ATP13A4: variants seen among roughly 807,000 people sequenced by gnomAD.
ATP13A4 encodes the protein probable cation-transporting ATPase 13A4.
Under a neutral mutation model 142.5 loss-of-function variants are expected in ATP13A4, and 114 were observed. The ratio of observed to expected loss-of-function variants is 0.80; its 90% CI spans 0.69 to 0.93. The LOEUF (loss-of-function observed/expected upper bound fraction) is 0.93, where lower values mean the gene tolerates loss of function less well. ATP13A4 is among the 40% of genes least tolerant of loss of function. The pLI is 0.00. For synonymous variants in ATP13A4, 488 were observed against 514.8 expected, an observed-to-expected ratio of 0.95 and a Z score of 0.70; for missense variants, 1,392 against 1,454.0, an observed-to-expected ratio of 0.96 and a Z score of 0.69.
chr3:193,403,729 G>A, intron 29 of ATP13A4: 1 of 973,852 alleles, frequency 1.0e-6, no homozygotes, highest in Non-Finnish European at 1.2e-6. Context: ...ATTCATGAGA[G>A]GTTATCATAT....
At chr3:193,512,130 G>A (rs1023778642) in intron 2 of ATP13A4, among the ~76,000 whole-genome samples, 2 of 152,200 alleles carry the variant, frequency 1.3e-5, no homozygotes, top group East Asian at 3.9e-4. Context: ...GCGTGGTTCT[G>A]TTTCTACTGT....
At position 193,483,121 on chromosome 3, in the gene ATP13A4, T is replaced by TC. The variant is rs896170925; in HGVS notation, c.808+814dup. Among the ~76,000 whole-genome samples the TC allele has an allele frequency of 2.4e-4, 37 of 151,520 alleles. 1 individual carries two copies. Among genetic ancestry groups the TC allele is most frequent in the South Asian group, 8.3e-4 (4 of 4,798 alleles). On this transcript the variant is annotated intron_variant, in intron 8 of 29. Coordinates refer to ENST00000342695, the MANE Select transcript of ATP13A4 (RefSeq NM_032279.4). The stretch of plus-strand genomic sequence containing the variant: ...ATCCCAAAATAACTATGAACTTTGA[T>TC]CCCCCCCAAAATTAACCAAAAATAT...
At chr3:193,582,844 G>A in intron 1 of ATP13A4, among the ~76,000 whole-genome samples, 5 of 12,236 alleles carry the variant, frequency 4.1e-4, no homozygotes, top group Non-Finnish European at 5.9e-4. Flanking sequence ...AAATATATAT[G>A]TATATTACAT....
intron 1 of ATP13A4, among the ~76,000 whole-genome samples, chr3:193,524,732 A>G (rs2108694257): frequency 6.6e-6 from 1 of 152,354 alleles, no homozygotes; most frequent in South Asian, 2.1e-4. Context: ...CCTACCTCAC[A>G]AAACTGTTAT....
intron 28 of ATP13A4, among the ~76,000 whole-genome samples, chr3:193,410,614 G>C (rs1425858031): frequency 6.6e-6 from 1 of 152,156 alleles, no homozygotes; most frequent in African/African-American, 2.4e-5. Flanking sequence ...AGCTACTCGG[G>C]AGGCTGAAGT....
intron 3 of ATP13A4, among the ~76,000 whole-genome samples, chr3:193,498,913 G>C (rs1720389861): frequency 6.6e-6 from 1 of 152,026 alleles, no homozygotes; most frequent in African/African-American, 2.4e-5. Flanking sequence ...CCATATAGCT[G>C]GCACAAAATA....
chr3:193,490,111 A>C (rs1328960751), intron 6 of ATP13A4, among the ~76,000 whole-genome samples: 1 of 152,202 alleles, frequency 6.6e-6, no homozygotes, highest in Admixed American at 6.5e-5. Context: ...AATGATAAAG[A>C]AACTGAAACT....
At chr3:193,519,597 T>C (rs920717664) in intron 1 of ATP13A4, among the ~76,000 whole-genome samples, 5 of 151,926 alleles carry the variant, frequency 3.3e-5, no homozygotes, top group Admixed American at 6.6e-5. Flanking sequence ...ATAATACTTT[T>C]GTAGAATTTT....
At chr3:193,555,725 T>C (rs1439818369), upstream of ATP13A4, among the ~76,000 whole-genome samples, 4 of 152,200 alleles carry the variant, frequency 2.6e-5, no homozygotes, top group Non-Finnish European at 5.9e-5. Context: ...ACAAATATGA[T>C]AGAAAGTGGA....
intron 16 of ATP13A4, among the ~76,000 whole-genome samples, chr3:193,456,118 A>T (rs1296880255): frequency 6.6e-6 from 1 of 152,174 alleles, no homozygotes; most frequent in Non-Finnish European, 1.5e-5. Context: ...AGAAACCCCC[A>T]TGACACAAGT....
Position 193,435,645 on chromosome 3 carries a change from T to C in ATP13A4, c.2769+3A>G, listed in dbSNP as rs752713805. 1.2e-6 allele frequency: 2 copies of C among 1,611,822 alleles called. No individual in the cohort carries two copies. The highest frequency in any genetic ancestry group is 2.2e-5 in the East Asian group (1 of 44,860). On this transcript the variant is annotated splice_donor_region_variant and intron_variant, in intron 24 of 29. Transcript: ENST00000342695. ...AACCAAGAGGCTAAGTCCCAAGTCA[T>C]ACCCAGTAGAGCAGCAGAACACCAA...
chr3:193,558,694 G>C (rs1723954148), upstream of ATP13A4, among the ~76,000 whole-genome samples: 1 of 152,138 alleles, frequency 6.6e-6, no homozygotes, highest in Admixed American at 6.6e-5. Context: ...TATTAACAAA[G>C]GAGACAGAGA....
chr3:193,468,118 G>A (rs1718411762), intron 9 of ATP13A4, among the ~76,000 whole-genome samples: 1 of 152,152 alleles, frequency 6.6e-6, no homozygotes, highest in Admixed American at 6.5e-5. Flanking sequence ...GGCAGAGGTT[G>A]TGGTGAGCCA....
chr3:193,450,248 C>G (rs1317881343), intron 17 of ATP13A4, among the ~76,000 whole-genome samples: 2 of 152,180 alleles, frequency 1.3e-5, no homozygotes, highest in Admixed American at 6.5e-5. Context: ...TGTCTCAGCT[C>G]CTTGGGAACA....
At chr3:193,403,781 A>G (rs924072365) in intron 29 of ATP13A4, 28 of 985,074 alleles carry the variant, frequency 2.8e-5, no homozygotes, top group Admixed American at 6.1e-5. Flanking sequence ...AAGATTGACC[A>G]TCTTAGAGGT....
intron 1 of ATP13A4, among the ~76,000 whole-genome samples, chr3:193,544,824 C>A (rs1466524443): frequency 6.6e-6 from 1 of 152,172 alleles, no homozygotes; most frequent in Non-Finnish European, 1.5e-5. Context: ...TAACAGGCTA[C>A]ATCAAAAGCA....
intron 8 of ATP13A4, among the ~76,000 whole-genome samples, chr3:193,482,525 A>G (rs1312043738): frequency 6.6e-6 from 1 of 152,248 alleles, no homozygotes; most frequent in Non-Finnish European, 1.5e-5. Flanking sequence ...TATCTGATAA[A>G]GGACTTGTAT....
upstream of ATP13A4, among the ~76,000 whole-genome samples, chr3:193,555,793 G>T (rs1723863356): frequency 6.6e-6 from 1 of 152,164 alleles, no homozygotes; most frequent in Non-Finnish European, 1.5e-5. Flanking sequence ...TCCCAATGTG[G>T]TGTAGAGAAA....
chr3:193,422,132 G>C (rs949689085), intron 25 of ATP13A4, among the ~76,000 whole-genome samples: 7 of 149,966 alleles, frequency 4.7e-5, no homozygotes, highest in Admixed American at 2.1e-4. Flanking sequence ...AATCAAAAGA[G>C]AGCAAGATTG....
Sources: gnomAD v4.1 joint callset for allele counts (sites outside exome capture counted in the v4.1 genomes callset) on GRCh38, gnomAD v4.1.1 for gene constraint, MANE v1.5 for transcripts, NCBI Gene and HGNC (gene_info 2026-07-23, HGNC 2026-07-21) for gene names.